ZNF385D: variants seen among roughly 807,000 people sequenced by gnomAD.
ZNF385D encodes zinc finger protein 659.
In ZNF385D, 15 loss-of-function variants were observed where a neutral mutation model predicts 35.8. That is an observed-to-expected ratio of 0.42 (90% CI 0.28 to 0.64). The LOEUF (loss-of-function observed/expected upper bound fraction) is 0.64, where lower values mean the gene tolerates loss of function less well. ZNF385D is among the 30% of genes least tolerant of loss of function. The pLI is 0.23. For missense variants in ZNF385D, 474 were observed against 494.6 expected (o/e 0.96, Z 0.39); for synonymous variants, 212 against 186.8 (o/e 1.13, Z -1.10).
intron 3 of ZNF385D, among the ~76,000 whole-genome samples, chr3:21,886,513 C>A (rs908674479): frequency 2.0e-5 from 3 of 151,960 alleles, no homozygotes; most frequent in Non-Finnish European, 4.4e-5. Flanking sequence ...AACTCTGTTC[C>A]TTATCCTTTC....
chr3:21,595,186 G>A (rs2064093920), intron 2 of ZNF385D, among the ~76,000 whole-genome samples: 1 of 151,992 alleles, frequency 6.6e-6, no homozygotes, highest in South Asian at 2.1e-4. Context: ...TTCTCCCAGG[G>A]ACAAGAATAA....
intron 2 of ZNF385D, among the ~76,000 whole-genome samples, chr3:22,291,595 C>T (rs1702304728): frequency 1.3e-5 from 2 of 152,000 alleles, no homozygotes; most frequent in South Asian, 4.1e-4. Flanking sequence ...TAGTTTTATA[C>T]TATTCTTTAC....
intron 2 of ZNF385D, among the ~76,000 whole-genome samples, chr3:21,583,951 C>CTTATTTATTTATTTATTTATTTAT (rs1287837812): frequency 1.5e-4 from 20 of 132,878 alleles, no homozygotes; most frequent in Admixed American, 3.0e-4. Context: ...ATTTATTTTA[C>CTTATTTATTTATTTATTTATTTAT]TTATTTACTT....
intron 3 of ZNF385D, among the ~76,000 whole-genome samples, chr3:22,056,760 T>C (rs975019789): frequency 6.6e-6 from 1 of 152,218 alleles, no homozygotes; most frequent in Non-Finnish European, 1.5e-5. Flanking sequence ...TGCTTACAGG[T>C]CTGAGGGTAG....
chr3:22,098,204 T>A (rs1300821431), intron 3 of ZNF385D, among the ~76,000 whole-genome samples: 1 of 152,036 alleles, frequency 6.6e-6, no homozygotes, highest in African/African-American at 2.4e-5. Context: ...TATCACGTGA[T>A]TTTCAACCTT....
At chr3:21,923,437 G>A (rs1444311031) in intron 3 of ZNF385D, among the ~76,000 whole-genome samples, 2 of 152,180 alleles carry the variant, frequency 1.3e-5, no homozygotes, top group Non-Finnish European at 2.9e-5. Context: ...AGCCACTGGG[G>A]AAAGCAGTTT....
chr3:22,082,701 G>A (rs1700817106), intron 3 of ZNF385D, among the ~76,000 whole-genome samples: 1 of 152,182 alleles, frequency 6.6e-6, no homozygotes, highest in African/African-American at 2.4e-5. Context: ...GAGAGCAGTG[G>A]TTCTCCCAGC....
intron 3 of ZNF385D, among the ~76,000 whole-genome samples, chr3:21,840,292 T>C (rs1316409658): frequency 6.6e-6 from 1 of 151,968 alleles, no homozygotes; most frequent in Non-Finnish European, 1.5e-5. Context: ...TAAGACAAAT[T>C]CAGACTTCAA....
At chr3:22,039,438 G>C (rs1236223696) in intron 3 of ZNF385D, among the ~76,000 whole-genome samples, 1 of 151,984 alleles carries the variant, frequency 6.6e-6, no homozygotes, top group Non-Finnish European at 1.5e-5. Context: ...ATGGCATCCA[G>C]TGCCCTTATC....
intron 2 of ZNF385D, among the ~76,000 whole-genome samples, chr3:21,580,626 C>G (rs2063627880): frequency 6.6e-6 from 1 of 151,868 alleles, no homozygotes; most frequent in African/African-American, 2.4e-5. Flanking sequence ...TATGGAATGG[C>G]TTTTATACAC....
At chr3:21,948,546 TTA>T (rs1423373582) in intron 3 of ZNF385D, among the ~76,000 whole-genome samples, 6 of 152,128 alleles carry the variant, frequency 3.9e-5, no homozygotes, top group African/African-American at 1.4e-4. Flanking sequence ...ACATCTAATA[TTA>T]TATATTTGTA....
chr3:21,926,394 T>C (rs542386657), intron 3 of ZNF385D, among the ~76,000 whole-genome samples: 2 of 152,198 alleles, frequency 1.3e-5, no homozygotes, highest in Non-Finnish European at 2.9e-5. Context: ...TTTGGTTTTC[T>C]GTTCTTGTGT....
At chr3:22,192,754 T>G (rs1216756326) in intron 2 of ZNF385D, among the ~76,000 whole-genome samples, 2 of 152,182 alleles carry the variant, frequency 1.3e-5, no homozygotes, top group African/African-American at 4.8e-5. Context: ...TAATTGTTCT[T>G]CAGCCCAGTC....
chr3:21,890,573 C>G (rs756072291), intron 3 of ZNF385D, among the ~76,000 whole-genome samples: 5 of 152,018 alleles, frequency 3.3e-5, no homozygotes, highest in Non-Finnish European at 5.9e-5. Flanking sequence ...GAGCCAAGAT[C>G]GCGCCACTGC....
chr3:22,277,150 G>C (rs1317571059), intron 2 of ZNF385D, among the ~76,000 whole-genome samples: 1 of 152,018 alleles, frequency 6.6e-6, no homozygotes, highest in Admixed American at 6.6e-5. Context: ...CTCCCAAAAG[G>C]AAGTAAAAAA....
At chr3:21,472,476 T>A (rs1417960824) in intron 4 of ZNF385D, among the ~76,000 whole-genome samples, 1 of 152,146 alleles carries the variant, frequency 6.6e-6, no homozygotes, top group South Asian at 2.1e-4. Flanking sequence ...GCCAATCACT[T>A]ATCCCTGAGC....
At chr3:21,964,244 C>G (rs533257496) in intron 3 of ZNF385D, among the ~76,000 whole-genome samples, 4 of 151,432 alleles carry the variant, frequency 2.6e-5, no homozygotes, top group Non-Finnish European at 5.9e-5. Flanking sequence ...CCTTCTGTGT[C>G]TCCTTCATTC....
At chr3:22,282,078 T>G in intron 2 of ZNF385D, among the ~76,000 whole-genome samples, 1 of 152,000 alleles carries the variant, frequency 6.6e-6, no homozygotes, top group Non-Finnish European at 1.5e-5. Context: ...TATTTCTGTG[T>G]TATCAGTTGT....
chr3:21,759,012 G>A lies in ZNF385D; in HGVS notation c.326-93984C>T, dbSNP rs916439361. ...AAAAAAAAAAAAAAAAAAAACAGTGGTGATGCTATTGTAACAAGTCCTGAA... is the reference window on the plus strand; with the variant it reads ...AAAAAAAAAAAAAAAAAAAACAGTGATGATGCTATTGTAACAAGTCCTGAA... On this transcript the variant is annotated intron_variant, in intron 3 of 5. Transcript: ENST00000494108. 5.3e-5 allele frequency among the ~76,000 whole-genome samples: 5 copies of A among 94,208 alleles called. No homozygotes were observed. In the East Asian group the frequency reaches 2.0e-3, roughly 38 times the overall value. 61.8% of individuals were successfully genotyped at this position (94,208 alleles called of 152,430 possible). A position where few individuals can be genotyped will look rare whatever the true frequency, so the allele number is the denominator to read the frequency against.
Sources: gnomAD v4.1 joint callset for allele counts (sites outside exome capture counted in the v4.1 genomes callset) on GRCh38, gnomAD v4.1.1 for gene constraint, MANE v1.5 for transcripts, NCBI Gene and HGNC (gene_info 2026-07-23, HGNC 2026-07-21) for gene names.